The following LUC7L variants were observed in gnomAD, a reference collection of about 807,000 sequenced individuals.
LUC7L encodes the protein putative RNA-binding protein Luc7-like 1.
LUC7L carries 29 observed loss-of-function variants against 51.1 expected under a neutral mutation model. That is an observed-to-expected ratio of 0.57 (90% CI 0.42 to 0.77). LUC7L has a LOEUF of 0.77. Among genes scored for constraint, LUC7L ranks in the 30% least tolerant of loss-of-function variants. The probability of loss-of-function intolerance (pLI) is 0.00; values close to 1 mark genes in which losing one functional copy is unlikely to be tolerated. For synonymous variants in LUC7L, 181 were observed against 180.7 expected, an observed-to-expected ratio of 1.00 and a Z score of -0.01; for missense variants, 403 against 511.9, an observed-to-expected ratio of 0.79 and a Z score of 2.05.
At position 213,878 on chromosome 16, in the gene LUC7L, C is replaced by G. The variant is rs928040317; in HGVS notation, c.256-5690G>C. 2.6e-5 allele frequency among the ~76,000 whole-genome samples: 4 copies of G among 151,998 alleles called. No homozygotes were observed. In the South Asian group the frequency reaches 6.2e-4, roughly 24 times the overall value. ...TACAGGTGCCCACCATCACACCTGG[C>G]TAATATTTTCTATTTTTAGTAGAGA... On this transcript the variant is annotated intron_variant, in intron 3 of 9. Coordinates refer to ENST00000293872, the MANE Select transcript of LUC7L (RefSeq NM_201412.3).
chr16:213,994 G>C (rs2049717230), intron 3 of LUC7L, among the ~76,000 whole-genome samples: 1 of 152,166 alleles, frequency 6.6e-6, no homozygotes, highest in Non-Finnish European at 1.5e-5. Flanking sequence ...GATTACAGGA[G>C]TGAGCCACTG....
intron 2 of LUC7L, 22 bp downstream of exon 2, chr16:227,220 A>G (rs1222448514): frequency 6.3e-7 from 1 of 1,599,046 alleles, no homozygotes; most frequent in African/African-American, 1.3e-5. Context: ...GTGTTCCATG[A>G]GGTCCCCCAA....
chr16:211,523 G>A (rs181214303), intron 3 of LUC7L, among the ~76,000 whole-genome samples: 1 of 152,274 alleles, frequency 6.6e-6, no homozygotes, highest in Admixed American at 6.5e-5. Flanking sequence ...GAGCTGCCAA[G>A]TTCTTTAAAA....
chr16:226,845 T>A (rs566455682), intron 2 of LUC7L, among the ~76,000 whole-genome samples: 37 of 152,328 alleles, frequency 2.4e-4, no homozygotes, highest in Middle Eastern at 3.4e-3. Context: ...ATTTGTTCCA[T>A]AATATAAAAT....
chr16:222,946 T>C (rs1596681415), intron 2 of LUC7L, among the ~76,000 whole-genome samples: 1 of 133,214 alleles, frequency 7.5e-6, no homozygotes, highest in Non-Finnish European at 1.6e-5. Context: ...AGAGACCCCG[T>C]CTTTTAAAAA....
At chr16:195,047 G>GT (rs1165346843) in intron 6 of LUC7L, among the ~76,000 whole-genome samples, 2 of 152,142 alleles carry the variant, frequency 1.3e-5, no homozygotes, top group Non-Finnish European at 2.9e-5. Flanking sequence ...TGGGTGACTG[G>GT]TATCTCCAGC....
At chr16:228,288 A>G (rs774651510) in intron 1 of LUC7L, 1 of 1,301,836 alleles carries the variant, frequency 7.7e-7, no homozygotes. Flanking sequence ...GAAAAAAAGC[A>G]AACACTTTTT....
intron 3 of LUC7L, among the ~76,000 whole-genome samples, chr16:214,935 G>A (rs932022441): frequency 6.6e-6 from 1 of 152,206 alleles, no homozygotes; most frequent in East Asian, 1.9e-4. Context: ...GCCAGGCATG[G>A]TGGCTTGTGA....
chr16:198,124 C>A (rs958447434), intron 6 of LUC7L, among the ~76,000 whole-genome samples: 9 of 151,052 alleles, frequency 6.0e-5, no homozygotes, highest in Non-Finnish European at 1.3e-4. Flanking sequence ...ACAACAACAA[C>A]AAAAATTAGC....
intron 8 of LUC7L, 97 bp downstream of exon 8, chr16:190,444 G>T: frequency 7.6e-7 from 1 of 1,311,168 alleles, no homozygotes. Flanking sequence ...AGCCCTACCT[G>T]CCAGGTAACA....
chr16:198,965 C>T, intron 6 of LUC7L, 97 bp downstream of exon 6: 1 of 1,261,912 alleles, frequency 7.9e-7, no homozygotes, highest in Non-Finnish European at 1.1e-6. Flanking sequence ...TAGGCATCAG[C>T]CACCACGCCC....
intron 8 of LUC7L, among the ~76,000 whole-genome samples, 154 bp downstream of exon 8, chr16:190,387 C>T (rs573208571): frequency 2.0e-5 from 3 of 152,212 alleles, no homozygotes; most frequent in East Asian, 3.9e-4. Context: ...ACACTGGGAA[C>T]CCTCCACGGC....
At chr16:212,354 C>G (rs576091649) in intron 3 of LUC7L, among the ~76,000 whole-genome samples, 1 of 152,240 alleles carries the variant, frequency 6.6e-6, no homozygotes, top group African/African-American at 2.4e-5. Context: ...GAAAGTGAAG[C>G]ACAGCTACCA....
At chr16:228,528 G>C in intron 1 of LUC7L, 1 of 1,213,454 alleles carries the variant, frequency 8.2e-7, no homozygotes, top group Non-Finnish European at 1.1e-6. Flanking sequence ...ATGAAATAAA[G>C]TGCAAATAAT....
chr16:228,539 C>T (rs1374644664), intron 1 of LUC7L: 2 of 1,206,822 alleles, frequency 1.7e-6, no homozygotes, highest in Admixed American at 7.2e-5. Context: ...TGCAAATAAT[C>T]TGCACAGCCC....
intron 3 of LUC7L, among the ~76,000 whole-genome samples, chr16:214,163 G>A (rs988592194): frequency 2.6e-5 from 4 of 152,086 alleles, no homozygotes; most frequent in Admixed American, 6.6e-5. Flanking sequence ...TGCCTCCTGG[G>A]TTCAAGCTAT....
chr16:228,177 G>C (rs1019806658), intron 1 of LUC7L: 50 of 1,253,328 alleles, frequency 4.0e-5, no homozygotes, highest in Non-Finnish European at 5.1e-5. Flanking sequence ...TGCAACGCTA[G>C]AGGAGGAATA....
At chr16:229,235 CA>C (rs1321310160) in intron 1 of LUC7L, 43 bp downstream of exon 1, 1 of 1,516,310 alleles carries the variant, frequency 6.6e-7, no homozygotes, top group Admixed American at 2.0e-5. Context: ...GGCCTCGCCT[CA>C]CTCCCACCCC....
intron 5 of LUC7L, among the ~76,000 whole-genome samples, chr16:202,202 A>G (rs1316785337): frequency 6.6e-6 from 1 of 151,800 alleles, no homozygotes; most frequent in African/African-American, 2.4e-5. Context: ...TACGCTGGGC[A>G]GAAGGCAGCA....
Sources: gnomAD v4.1 joint callset for allele counts (sites outside exome capture counted in the v4.1 genomes callset) on GRCh38, gnomAD v4.1.1 for gene constraint, MANE v1.5 for transcripts, NCBI Gene and HGNC (gene_info 2026-07-23, HGNC 2026-07-21) for gene names.